KLHDC4: variants seen among roughly 807,000 people sequenced by gnomAD.
KLHDC4 encodes kelch domain containing 4, also known as kelch domain-containing protein 4.
In KLHDC4, 90 loss-of-function variants were observed where a neutral mutation model predicts 62.4. The observed-to-expected ratio is 1.44, with a 90% CI of 1.22 to 1.72. KLHDC4 has a LOEUF of 1.72. Among genes scored for constraint, KLHDC4 ranks in the 40% most tolerant of loss-of-function variants. The pLI, the probability that KLHDC4 is intolerant of heterozygous loss-of-function variation, is 0.00. For missense variants in KLHDC4, 1,025 were observed against 699.7 expected (o/e 1.47, Z -5.25); for synonymous variants, 386 against 284.4 (o/e 1.36, Z -3.59).
intron 1 of KLHDC4, among the ~76,000 whole-genome samples, chr16:87,764,243 A>G (rs564122580): frequency 1.4e-4 from 22 of 152,310 alleles, no homozygotes; most frequent in African/African-American, 5.3e-4. Context: ...TTGAGGGTTC[A>G]TTCAGATAAC....
At chr16:87,708,311 C>G in intron 11 of KLHDC4, 39 bp downstream of exon 11, 1 of 1,364,562 alleles carries the variant, frequency 7.3e-7, no homozygotes, top group South Asian at 1.3e-5. Flanking sequence ...TTCACGAACA[C>G]CCAGCAGCCG....
At chr16:87,763,152 G>A (rs2046127286) in intron 1 of KLHDC4, among the ~76,000 whole-genome samples, 1 of 152,152 alleles carries the variant, frequency 6.6e-6, no homozygotes. Flanking sequence ...GGTTCCCAGG[G>A]TAAGGAATAA....
At chr16:87,704,730 G>A (rs1038842166), downstream of KLHDC4, among the ~76,000 whole-genome samples, 1 of 152,052 alleles carries the variant, frequency 6.6e-6, no homozygotes, top group Non-Finnish European at 1.5e-5. Flanking sequence ...AAAATCAGAT[G>A]TCAAACTGCA....
At chr16:87,765,646 C>A in intron 1 of KLHDC4, 146 bp downstream of exon 1, 1 of 710,510 alleles carries the variant, frequency 1.4e-6, no homozygotes, top group East Asian at 2.9e-5. Context: ...CCGGACGCGG[C>A]GCCGGGGCAG....
chr16:87,735,548 G>C (rs141144704), intron 5 of KLHDC4, among the ~76,000 whole-genome samples: 38 of 152,312 alleles, frequency 2.5e-4, no homozygotes, highest in Middle Eastern at 6.8e-3. Flanking sequence ...TGACACAACG[G>C]ACTCAATTAA....
At chr16:87,758,122 G>A (rs1234633344) in intron 2 of KLHDC4, among the ~76,000 whole-genome samples, 1 of 152,146 alleles carries the variant, frequency 6.6e-6, no homozygotes, top group Non-Finnish European at 1.5e-5. Context: ...TTTTCTATTG[G>A]GGATTTATTT....
chr16:87,727,647 T>G (rs78368478), intron 6 of KLHDC4, among the ~76,000 whole-genome samples: 1,886 of 152,232 alleles, frequency 0.012, 41 homozygotes, highest in African/African-American at 0.044. Flanking sequence ...ATGGGGAGAC[T>G]CGGAGGCGCA....
At chr16:87,758,401 C>T (rs767017241) in intron 2 of KLHDC4, among the ~76,000 whole-genome samples, 1 of 152,178 alleles carries the variant, frequency 6.6e-6, no homozygotes, top group Non-Finnish European at 1.5e-5. Context: ...CTCACACATG[C>T]CACAGAACTG....
chr16:87,708,501 C>CT, intron 10 of KLHDC4, 35 bp from the exon 11 acceptor site: 11 of 1,523,988 alleles, frequency 7.2e-6, no homozygotes, highest in Non-Finnish European at 9.8e-6. Context: ...TACACGTCAG[C>CT]GCAGCTGAGG....
chr16:87,708,548 C>T (rs772089298), intron 10 of KLHDC4, 82 bp from the exon 11 acceptor site: 1 of 931,254 alleles, frequency 1.1e-6, no homozygotes, highest in Non-Finnish European at 1.5e-6. Flanking sequence ...GTGGCTACGT[C>T]CTGGGGGGAT....
chr16:87,761,694 C>G (rs1437157533), intron 2 of KLHDC4, among the ~76,000 whole-genome samples: 1 of 152,148 alleles, frequency 6.6e-6, no homozygotes, highest in Non-Finnish European at 1.5e-5. Flanking sequence ...CACGTCACGA[C>G]CAGTGGAGGA....
At chr16:87,755,430 T>C (rs889221220) in intron 3 of KLHDC4, 138 bp from the exon 4 acceptor site, 6 of 532,882 alleles carry the variant, frequency 1.1e-5, no homozygotes, top group South Asian at 2.0e-5. Context: ...AGGGAGGCCA[T>C]GGGCTGGGTC....
intron 4 of KLHDC4, among the ~76,000 whole-genome samples, chr16:87,752,828 A>G (rs1463305287): frequency 2.0e-5 from 3 of 152,246 alleles, no homozygotes; most frequent in African/African-American, 7.2e-5. Flanking sequence ...ACGGAGACCC[A>G]CAGATAAAAC....
intron 7 of KLHDC4, among the ~76,000 whole-genome samples, chr16:87,719,821 A>T (rs532265760): frequency 6.6e-6 from 1 of 152,350 alleles, no homozygotes; most frequent in African/African-American, 2.4e-5. Context: ...ATGGAGGGTG[A>T]GCGCAACAGG....
intron 7 of KLHDC4, among the ~76,000 whole-genome samples, chr16:87,724,288 A>C (rs2038955812): frequency 1.3e-5 from 2 of 152,252 alleles, no homozygotes; most frequent in Non-Finnish European, 2.9e-5. Context: ...GAGAAAAATA[A>C]AAGAAAATCT....
intron 8 of KLHDC4, 93 bp downstream of exon 8, chr16:87,714,405 A>T: frequency 8.2e-7 from 1 of 1,217,596 alleles, no homozygotes; most frequent in Non-Finnish European, 1.1e-6. Flanking sequence ...GCAGGGGCTC[A>T]CCGCCAGCCC....
rs1052828929 is a variant in KLHDC4 at position 87,762,688 on chromosome 16, C to A, written c.100-648G>T. On this transcript the variant is annotated intron_variant, in intron 1 of 11. Coordinates refer to ENST00000270583, the MANE Select transcript of KLHDC4 (RefSeq NM_017566.4). ...GTCTATCCAAGTAAGAAGGTCTCAA[C>A]TTTTACTACCATCGAGAGTGACTCA... Among the ~76,000 whole-genome samples the A allele has an allele frequency of 3.7e-4, 57 of 152,202 alleles. 1 individual carries two copies. Among genetic ancestry groups the A allele is most frequent in the Non-Finnish European group, 7.5e-4 (51 of 68,034 alleles).
At chr16:87,702,100 T>C in exon 1 of KLHDC4, 1 of 455,894 alleles carries the variant, frequency 2.2e-6, no homozygotes, top group Non-Finnish European at 4.4e-6. Flanking sequence ...AGAACAGCCT[T>C]CGGGTCCCAG....
chr16:87,700,579 G>GGGTGGAGGGAGGAGAGAAGA (rs1567627057), exon 1 of KLHDC4: 18 of 183,932 alleles, frequency 9.8e-5, no homozygotes, highest in Middle Eastern at 1.8e-3. Flanking sequence ...AGAAGGAAGA[G>GGGTGGAGGGAGGAGAGAAGA]GGTGGAGGGA....
Sources: gnomAD v4.1 joint callset for allele counts (sites outside exome capture counted in the v4.1 genomes callset) on GRCh38, gnomAD v4.1.1 for gene constraint, MANE v1.5 for transcripts, NCBI Gene and HGNC (gene_info 2026-07-23, HGNC 2026-07-21) for gene names.